The following HDAC5 variants were observed in gnomAD, a reference collection of about 807,000 sequenced individuals.
HDAC5 encodes the protein antigen NY-CO-9.
Under a neutral mutation model 133.3 loss-of-function variants are expected in HDAC5, and 25 were observed. The ratio of observed to expected loss-of-function variants is 0.19; its 90% CI spans 0.14 to 0.26. HDAC5 has a LOEUF of 0.26. Ranked by LOEUF, HDAC5 falls within the 10% of genes least tolerant of loss-of-function variation. HDAC5 has a pLI of 1.00. For synonymous variants in HDAC5, 589 were observed against 610.8 expected (o/e 0.96, Z 0.53); for missense variants, 1,041 against 1,460.5 (o/e 0.71, Z 4.68).
At chr17:44,122,525 G>A (rs2053073571) in intron 1 of HDAC5, among the ~76,000 whole-genome samples, 1 of 152,134 alleles carries the variant, frequency 6.6e-6, no homozygotes, top group Admixed American at 6.6e-5. Context: ...CCTCCTAAAA[G>A]CAACTGCAGC....
intron 7 of HDAC5, 33 bp from the exon 8 acceptor site, chr17:44,092,560 G>A (rs776008198): frequency 1.2e-5 from 19 of 1,595,476 alleles, no homozygotes; most frequent in African/African-American, 5.4e-5. Context: ...TCAGATACGC[G>A]CACAGCAGCA....
intron 18 of HDAC5, 86 bp from the exon 19 acceptor site, chr17:44,082,906 G>C (rs1352020580): frequency 8.7e-7 from 1 of 1,151,162 alleles, no homozygotes; most frequent in Non-Finnish European, 1.3e-6. Flanking sequence ...CACAAGCCAG[G>C]CAGGGAAGTG....
rs62640377 is a variant in HDAC5, at chr17:44,087,478, G to C, written c.1818C>G (p.Asp606Glu). Residue 606 changes from aspartate to glutamate, a missense_variant, in exon 13 of 27, where the codon GAC becomes GAG. Transcript: ENST00000682912. ...CCTCAGCACCACTCTCGCCCTCCTCGTCCTTAACCTGGATGCAATCCTCCT... is the reference window on the plus strand; with the variant it reads ...CCTCAGCACCACTCTCGCCCTCCTCCTCCTTAACCTGGATGCAATCCTCCT... ...EEEEDCIQVK[D>E]EEGESGAEEG... The C allele has an allele frequency of 3.2e-6, 5 of 1,551,300 alleles. No individual in the cohort carries two copies. In the South Asian group the frequency reaches 3.3e-5, roughly 10 times the overall value.
chr17:44,098,022 G>A (rs1010394879), intron 3 of HDAC5, among the ~76,000 whole-genome samples: 4 of 152,382 alleles, frequency 2.6e-5, no homozygotes, highest in South Asian at 2.1e-4. Context: ...AAGCACAGGC[G>A]ACTCCAGAAT....
At chr17:44,110,836 T>C in intron 2 of HDAC5, 36 bp from the exon 3 acceptor site, 1 of 1,551,056 alleles carries the variant, frequency 6.4e-7, no homozygotes, top group East Asian at 2.3e-5. Context: ...ATAGATGGTC[T>C]GCAGCATCTC....
Position 44,080,459 on chromosome 17 carries a change from C to G in HDAC5, c.2767G>C (p.Ala923Pro). Residue 923 changes from alanine to proline, a missense_variant, in exon 22 of 27, where the codon GCA becomes CCA. Ala to Pro is a conservative substitution (Grantham distance 27). Transcript: ENST00000682912. ...GPGVGYNVNV[A>P]WTGGVDPPIG... ...GGGGGGTCCACACCTCCTGTCCATG[C>G]CACGTTCACATTGTACCCCACGCCT... 6.2e-7 allele frequency: 1 copy of G among 1,614,176 alleles called. No individual in the cohort carries two copies. Among genetic ancestry groups the G allele is most frequent in the East Asian group, 2.2e-5 (1 of 44,882 alleles).
intron 3 of HDAC5, among the ~76,000 whole-genome samples, chr17:44,094,141 G>C (rs138505002): frequency 6.6e-6 from 1 of 152,080 alleles, no homozygotes; most frequent in East Asian, 1.9e-4. Flanking sequence ...TGGTCAACAT[G>C]ATGAAACCCC....
rs544023464 is a variant in HDAC5, at chr17:44,096,465, G to T, written c.95-2631C>A. On this transcript the variant is annotated intron_variant, in intron 3 of 26. Coordinates refer to ENST00000682912, the MANE Select transcript of HDAC5 (RefSeq NM_005474.5). ...AAAAAAAAACAAAAAACAAGTTTTG[G>T]TTTTTTTTTGTTTTTTTTTTTTTTG... 7.3e-4 allele frequency among the ~76,000 whole-genome samples: 108 copies of T among 148,184 alleles called. No individual in the cohort carries two copies. The South Asian group carries it at 9.4e-3, about 13-fold the overall frequency.
chr17:44,095,675 T>C (rs561116771), intron 3 of HDAC5, among the ~76,000 whole-genome samples: 9 of 150,916 alleles, frequency 6.0e-5, no homozygotes, highest in South Asian at 2.1e-4. Flanking sequence ...CCGCTATATA[T>C]AGAGTGAGCC....
Position 44,078,296 on chromosome 17 carries a change from G to C in HDAC5, c.*80C>G. Reference sequence around the variant, plus strand: ...AGAGACCCACACGGCACACCTTGTTGAATGTGTGACTTTTTGTTTTTAATA... The same window carrying C: ...AGAGACCCACACGGCACACCTTGTTCAATGTGTGACTTTTTGTTTTTAATA... On this transcript the variant is annotated 3_prime_UTR_variant, in exon 27 of 27. Transcript: ENST00000682912. The C allele has an allele frequency of 7.1e-7, 1 of 1,398,636 alleles. No homozygotes were observed. The highest frequency in any genetic ancestry group is 9.5e-7 in the Non-Finnish European group (1 of 1,049,164). The allele number at this position is 1,398,636 out of a possible 1,614,324, so 86.6% of individuals were successfully genotyped here. A position where few individuals can be genotyped will look rare whatever the true frequency, so the allele number is the denominator to read the frequency against.
At chr17:44,080,071 G>A (rs1567979279) in intron 23 of HDAC5, 36 bp downstream of exon 23, 1 of 1,441,414 alleles carries the variant, frequency 6.9e-7, no homozygotes, top group Non-Finnish European at 9.8e-7. Context: ...TATCCTCACT[G>A]TTTCACTTCC....
intron 11 of HDAC5, among the ~76,000 whole-genome samples, chr17:44,089,268 C>CT (rs2143205696): frequency 6.6e-6 from 1 of 152,310 alleles, no homozygotes; most frequent in Admixed American, 6.5e-5. Context: ...AATCCCAGCA[C>CT]TTTGGGAGTC....
In HDAC5 at chr17:44,079,174, C is replaced by T. The variant is rs1441660761; in HGVS notation, c.3048G>A (p.Glu1016=). The T allele has an allele frequency of 6.2e-7, 1 of 1,613,288 alleles. No individual in the cohort carries two copies. Among genetic ancestry groups the T allele is most frequent in the Non-Finnish European group, 8.5e-7 (1 of 1,179,310 alleles). The part of the protein sequence containing the change: ...HDLTAICDAS[E]ACVSALLSVE... ...CACTGAGCAGAGCCGAGACACAAGC[C>T]TCAGAGGCATCACAGATGGCGGTCA... The change falls in exon 24 of 27, where the codon GAG becomes GAA. Residue 1016 remains glutamate (E), a synonymous_variant. Transcript: ENST00000682912.
chr17:44,088,959 C>A (rs1441951099), intron 11 of HDAC5, among the ~76,000 whole-genome samples: 1 of 151,976 alleles, frequency 6.6e-6, no homozygotes, highest in Non-Finnish European at 1.5e-5. Flanking sequence ...ATGGATCCTC[C>A]CCGTGGATCC....
At chr17:44,098,011 G>A (rs1205319978) in intron 3 of HDAC5, among the ~76,000 whole-genome samples, 1 of 152,254 alleles carries the variant, frequency 6.6e-6, no homozygotes, top group Non-Finnish European at 1.5e-5. Context: ...ATGCAAACAG[G>A]AAGCACAGGC....
chr17:44,091,188 A>G (rs2050927586), intron 11 of HDAC5, 82 bp downstream of exon 11: 1 of 1,016,440 alleles, frequency 9.8e-7, no homozygotes, highest in African/African-American at 1.6e-5. Flanking sequence ...TGCTAAGGGG[A>G]ACTGTGACAG....
In HDAC5 at chr17:44,093,604, G is replaced by T; in HGVS notation, c.325C>A (p.His109Asn). ...QKQHDHLTRQHEVQLQKHLKQ... is the reference protein window; with the variant it reads ...QKQHDHLTRQNEVQLQKHLKQ... ...AGGTGCTTCTGCAGCTGGACCTCATGCTGCCTTGTCAGGTGGTCATGCTGT... is the reference window on the plus strand; with the variant it reads ...AGGTGCTTCTGCAGCTGGACCTCATTCTGCCTTGTCAGGTGGTCATGCTGT... Residue 109 changes from histidine to asparagine, a missense_variant, in exon 4 of 27, where the codon CAT (histidine) becomes AAT (asparagine). By Grantham distance (68) the His-to-Asn change is moderately conservative (BLOSUM62 1). Around this residue, in one of 9 missense-constraint regions of HDAC5, gnomAD observed 109 missense variants for 168.0 expected, o/e 0.65. Coordinates refer to ENST00000682912, the MANE Select transcript of HDAC5 (RefSeq NM_005474.5). The T allele has an allele frequency of 6.2e-7, 1 of 1,611,052 alleles. No homozygotes were observed. The highest frequency in any genetic ancestry group is 1.1e-5 in the South Asian group (1 of 90,852).
intron 1 of HDAC5, 76 bp downstream of exon 1, chr17:44,123,428 C>G (rs1387489613): frequency 1.1e-5 from 4 of 357,756 alleles, no homozygotes; most frequent in Non-Finnish European, 1.5e-5. Flanking sequence ...CGGACAGAGA[C>G]AGCAGGAGGA....
At chr17:44,103,241 T>C (rs991670242) in intron 3 of HDAC5, among the ~76,000 whole-genome samples, 1 of 152,178 alleles carries the variant, frequency 6.6e-6, no homozygotes, top group Admixed American at 6.5e-5. Context: ...CAGTTTCCCA[T>C]GATCTATTTC....
Sources: gnomAD v4.1 joint callset for allele counts (sites outside exome capture counted in the v4.1 genomes callset) on GRCh38, gnomAD v4.1.1 for gene constraint, gnomAD v4.1.1 regional missense constraint, MANE v1.5 for transcripts, NCBI Gene and HGNC (gene_info 2026-07-23, HGNC 2026-07-21) for gene names.